Variants in LMX1B observed in about 807,000 individuals in gnomAD.
LMX1B encodes the protein LIM homeobox transcription factor 1-beta.
In LMX1B, 12 loss-of-function variants were observed where a neutral mutation model predicts 51.4. That is an observed-to-expected ratio of 0.23 (90% CI 0.15 to 0.38). The LOEUF is 0.38. Ranked by LOEUF, LMX1B falls within the 10% of genes least tolerant of loss-of-function variation. The pLI is 1.00. For missense variants in LMX1B, 445 were observed against 571.1 expected, an observed-to-expected ratio of 0.78 and a Z score of 2.25; for synonymous variants, 237 against 235.4, an observed-to-expected ratio of 1.01 and a Z score of -0.06.
intron 2 of LMX1B, among the ~76,000 whole-genome samples, chr9:126,634,748 G>T (rs1835686156): frequency 6.6e-6 from 1 of 152,184 alleles, no homozygotes; most frequent in Non-Finnish European, 1.5e-5. Flanking sequence ...TTAATCCAGG[G>T]GAGGGCCCCG....
Position 126,614,453 on chromosome 9 carries a change from G to T in LMX1B, c.4G>T (p.Asp2Tyr). 1.9e-6 allele frequency: 3 copies of T among 1,550,486 alleles called. No homozygotes were observed. Among genetic ancestry groups the T allele is most frequent in the South Asian group, 1.2e-5 (1 of 83,448 alleles). ...TCCGCAGCGCGCCCCGCGTCCCATGGATATAGCAACAGGTCCCGAGTCGCT... is the reference window on the plus strand; with the variant it reads ...TCCGCAGCGCGCCCCGCGTCCCATGTATATAGCAACAGGTCCCGAGTCGCT... The part of the protein sequence containing the change: M[D>Y]IATGPESLER... The change falls in exon 1 of 8, where the codon GAT becomes TAT. Residue 2 changes from aspartate to tyrosine, a missense_variant. By Grantham distance (160) the Asp-to-Tyr change is radical. Around this residue, in one of 3 missense-constraint regions of LMX1B, gnomAD observed 273 missense variants for 343.3 expected, o/e 0.80. Transcript: ENST00000373474.
chr9:126,640,386 G>C (rs1175994722), intron 2 of LMX1B, among the ~76,000 whole-genome samples: 1 of 152,204 alleles, frequency 6.6e-6, no homozygotes, highest in Non-Finnish European at 1.5e-5. Flanking sequence ...ACCCAGTCTG[G>C]GCAGCTGCAG....
rs1228511037 is a variant in LMX1B at position 126,693,135 on chromosome 9, C to T, written c.560-7C>T. 6.4e-7 allele frequency: 1 copy of T among 1,564,120 alleles called. No individual in the cohort carries two copies. The highest frequency in any genetic ancestry group is 8.7e-7 in the Non-Finnish European group (1 of 1,154,652). ...CTTCATCACAGGCCGGGTTGTGTCC[C>T]CCACAGTGAAGAGCGAGGATGAAGA... On this transcript the variant is annotated splice_region_variant and splice_polypyrimidine_tract_variant and intron_variant, in intron 3 of 7. Transcript: ENST00000373474.
At chr9:126,665,614 C>A (rs544201242) in intron 2 of LMX1B, among the ~76,000 whole-genome samples, 1 of 152,312 alleles carries the variant, frequency 6.6e-6, no homozygotes, top group South Asian at 2.1e-4. Context: ...GGCGGGGTTG[C>A]CCTGTCTCTG....
intron 2 of LMX1B, among the ~76,000 whole-genome samples, chr9:126,667,468 C>T (rs1190863752): frequency 1.3e-5 from 2 of 152,222 alleles, no homozygotes. Flanking sequence ...GCGCATGTGC[C>T]GCGTGACGGG....
chr9:126,615,313 C>A lies in LMX1B; in HGVS notation c.140-70C>A. On this transcript the variant is annotated intron_variant, in intron 1 of 7. Coordinates refer to ENST00000373474, the MANE Select transcript of LMX1B (RefSeq NM_001174147.2). The surrounding 1 kb of genome is among the most constrained non-coding windows in gnomAD (Gnocchi z 6.0). ...CCCTCGGGGCCGAGGGCTGTGGGCCCGGTGCGACCGGGACGCCGGGGCTGG... is the reference window on the plus strand; with the variant it reads ...CCCTCGGGGCCGAGGGCTGTGGGCCAGGTGCGACCGGGACGCCGGGGCTGG... The A allele has an allele frequency of 7.8e-7, 1 of 1,284,740 alleles. No homozygotes were observed. Among genetic ancestry groups the A allele is most frequent in the Non-Finnish European group, 1.0e-6 (1 of 989,466 alleles). 79.6% of individuals were successfully genotyped at this position (1,284,740 alleles called of 1,614,324 possible).
At chr9:126,675,239 A>C (rs1203489411) in intron 2 of LMX1B, among the ~76,000 whole-genome samples, 6 of 152,192 alleles carry the variant, frequency 3.9e-5, no homozygotes, top group African/African-American at 9.6e-5. Context: ...GGCTTGGTGT[A>C]TGTGGGCTTG....
intron 2 of LMX1B, among the ~76,000 whole-genome samples, chr9:126,659,646 C>T (rs1230399237): frequency 6.6e-6 from 1 of 151,756 alleles, no homozygotes; most frequent in Non-Finnish European, 1.5e-5. Flanking sequence ...TCTATACTAG[C>T]CTTAGAGATT....
At position 126,695,496 on chromosome 9, in the gene LMX1B, C is replaced by T. The variant is rs1038546653; in HGVS notation, c.887-343C>T. Among the ~76,000 whole-genome samples, 2 of 152,244 alleles carry T rather than the reference C, an allele frequency of 1.3e-5. No homozygotes were observed. Among genetic ancestry groups the T allele is most frequent in the Non-Finnish European group, 2.9e-5 (2 of 68,046 alleles). ...GGGGCCCTTTCCTCCAGGAAGTCTT[C>T]CCGGGGCCTTTTTGGCCTGGGTCTG... is the stretch of plus-strand genomic sequence containing the variant. On this transcript the variant is annotated intron_variant, in intron 6 of 7. Transcript: ENST00000373474. This position sits in a 1 kb window ranked among gnomAD's most constrained non-coding sequence, Gnocchi z 5.2.
intron 2 of LMX1B, among the ~76,000 whole-genome samples, chr9:126,622,097 T>A (rs1835426860): frequency 6.6e-6 from 1 of 152,060 alleles, no homozygotes; most frequent in South Asian, 2.1e-4. Flanking sequence ...AAAGGGAGGA[T>A]GAGGGGCTGG....
chr9:126,629,574 G>T (rs1337964851), intron 2 of LMX1B, among the ~76,000 whole-genome samples: 2 of 144,252 alleles, frequency 1.4e-5, no homozygotes, highest in Admixed American at 1.4e-4. Context: ...GGCTGGGGTT[G>T]GTGCCCCGAT....
intron 2 of LMX1B, among the ~76,000 whole-genome samples, chr9:126,674,151 G>A (rs1836512165): frequency 1.3e-5 from 2 of 152,074 alleles, no homozygotes; most frequent in Admixed American, 1.3e-4. Flanking sequence ...GGGCTCCAGG[G>A]CATCAAGAGC....
chr9:126,653,771 GGTTGT>G lies in LMX1B; in HGVS notation c.327-37054_327-37050del, dbSNP rs370156266. On this transcript the variant is annotated intron_variant, in intron 2 of 7. Coordinates refer to ENST00000373474, the MANE Select transcript of LMX1B (RefSeq NM_001174147.2). ...CCCACCCTTCATCCCCAGCCCCCTG[GGTTGT>G]GTTGTGTTGTTTTGTTATTTAATCT... Among the ~76,000 whole-genome samples the G allele has an allele frequency of 1.4e-4, 21 of 152,110 alleles. No individual in the cohort carries two copies. The East Asian group carries it at 2.3e-3, about 17-fold the overall frequency.
Position 126,673,943 on chromosome 9 carries a change from C to T in LMX1B, c.327-16893C>T, listed in dbSNP as rs1357728721. Among the ~76,000 whole-genome samples the T allele has an allele frequency of 6.6e-6, 1 of 152,156 alleles. No individual in the cohort carries two copies. The highest frequency in any genetic ancestry group is 1.9e-4 in the East Asian group (1 of 5,196). The stretch of plus-strand genomic sequence containing the variant: ...GTACACAGGCCTGTTTGGACAGCTG[C>T]CTTGTCTGTCCGTCTGTTTGGGAGA... On this transcript the variant is annotated intron_variant, in intron 2 of 7. Transcript: ENST00000373474. This position sits in a 1 kb window ranked among gnomAD's most constrained non-coding sequence, Gnocchi z 4.4.
chr9:126,674,981 G>A lies in LMX1B; in HGVS notation c.327-15855G>A, dbSNP rs112890893. On this transcript the variant is annotated intron_variant, in intron 2 of 7. Coordinates refer to ENST00000373474, the MANE Select transcript of LMX1B (RefSeq NM_001174147.2). Reference sequence around the variant, plus strand: ...AAATGGCCCACAAGACCGTCAACAGGGCATGGGTTAAATAAGTTAGGGTTT... The same window carrying A: ...AAATGGCCCACAAGACCGTCAACAGAGCATGGGTTAAATAAGTTAGGGTTT... Among the ~76,000 whole-genome samples, 496 of 152,280 alleles carry A rather than the reference G, an allele frequency of 3.3e-3. 2 individuals carry two copies. The highest frequency in any genetic ancestry group is 0.011 in the African/African-American group (471 of 41,538).
At chr9:126,662,145 C>T (rs1043019877) in intron 2 of LMX1B, among the ~76,000 whole-genome samples, 3 of 152,156 alleles carry the variant, frequency 2.0e-5, no homozygotes, top group African/African-American at 2.4e-5. Flanking sequence ...GCTGTTTGCC[C>T]GCTGTGTGTC....
chr9:126,622,894 A>G (rs1431545316), intron 2 of LMX1B, among the ~76,000 whole-genome samples: 2 of 152,256 alleles, frequency 1.3e-5, no homozygotes, highest in Non-Finnish European at 2.9e-5. Flanking sequence ...AAGGACTGAC[A>G]GCTCTTCCTG....
At chr9:126,676,263 C>T (rs1428826875) in intron 2 of LMX1B, among the ~76,000 whole-genome samples, 6 of 152,170 alleles carry the variant, frequency 3.9e-5, no homozygotes, top group Non-Finnish European at 8.8e-5. Flanking sequence ...CCCATCCTTG[C>T]CTGGCTGATC....
At position 126,677,390 on chromosome 9, in the gene LMX1B, G is replaced by A. The variant is rs1836583421; in HGVS notation, c.327-13446G>A. ...GGCCTCTGTAGATGACTCAGCCAGG[G>A]GACTCATCTTGCCCACCCACTACTG... On this transcript the variant is annotated intron_variant, in intron 2 of 7. Transcript: ENST00000373474. The surrounding 1 kb of genome is among the most constrained non-coding windows in gnomAD (Gnocchi z 5.0). Among the ~76,000 whole-genome samples the A allele has an allele frequency of 6.6e-6, 1 of 152,124 alleles. No homozygotes were observed. The highest frequency in any genetic ancestry group is 2.4e-5 in the African/African-American group (1 of 41,410).
Sources: gnomAD v4.1 joint callset for allele counts (sites outside exome capture counted in the v4.1 genomes callset) on GRCh38, gnomAD v4.1.1 for gene constraint, gnomAD v4.1.1 regional missense constraint, Gnocchi (gnomAD v3.1) non-coding constraint, MANE v1.5 for transcripts, NCBI Gene and HGNC (gene_info 2026-07-23, HGNC 2026-07-21) for gene names.